The following MARCHF1 variants were observed in gnomAD, a reference collection of about 807,000 sequenced individuals.
The protein encoded by MARCHF1 is membrane associated ring-CH-type finger 1, also known as E3 ubiquitin-protein ligase MARCHF1.
A neutral mutation model predicts 54.2 loss-of-function variants in MARCHF1; 40 were observed. The ratio of observed to expected loss-of-function variants is 0.74; its 90% CI spans 0.57 to 0.96. The LOEUF is 0.96. Ranked by LOEUF, MARCHF1 falls within the 40% of genes least tolerant of loss-of-function variation. The pLI, the probability that MARCHF1 is intolerant of heterozygous loss-of-function variation, is 0.00. For missense variants in MARCHF1, 586 were observed against 656.5 expected, an observed-to-expected ratio of 0.89 and a Z score of 1.17; for synonymous variants, 236 against 236.3, an observed-to-expected ratio of 1.00 and a Z score of 0.01.
At chr4:163,893,517 A>T (rs1750709573) in intron 3 of MARCHF1, among the ~76,000 whole-genome samples, 1 of 152,174 alleles carries the variant, frequency 6.6e-6, no homozygotes, top group African/African-American at 2.4e-5. Context: ...CTCCACTCAT[A>T]AGATGTGCAG....
chr4:164,031,450 A>G (rs1177988217), intron 2 of MARCHF1, among the ~76,000 whole-genome samples: 2 of 151,358 alleles, frequency 1.3e-5, no homozygotes, highest in African/African-American at 2.4e-5. Context: ...ACCATTCAGT[A>G]TGATATTGGC....
intron 1 of MARCHF1, among the ~76,000 whole-genome samples, chr4:164,201,929 T>G (rs1272943870): frequency 3.3e-5 from 5 of 152,216 alleles, no homozygotes; most frequent in Non-Finnish European, 5.9e-5. Flanking sequence ...TAATTATTCT[T>G]TCCTTCAATG....
intron 5 of MARCHF1, among the ~76,000 whole-genome samples, chr4:163,615,863 T>C (rs988042097): frequency 2.0e-5 from 3 of 152,128 alleles, no homozygotes; most frequent in African/African-American, 7.2e-5. Context: ...AGCATGGCAT[T>C]GTTATAAAAA....
chr4:164,196,478 T>A (rs1731262387), intron 1 of MARCHF1, among the ~76,000 whole-genome samples: 1 of 152,188 alleles, frequency 6.6e-6, no homozygotes, highest in African/African-American at 2.4e-5. Flanking sequence ...TATTAATAAA[T>A]TTTAAAAATA....
intron 1 of MARCHF1, chr4:164,330,084 C>T (rs1735391323): frequency 6.6e-6 from 1 of 151,918 alleles, no homozygotes; most frequent in South Asian, 2.1e-4. Flanking sequence ...GCAAAATACT[C>T]TTTGTAAGAA....
chr4:163,686,059 CAT>C (rs528388204), intron 5 of MARCHF1, among the ~76,000 whole-genome samples: 1 of 152,094 alleles, frequency 6.6e-6, no homozygotes, highest in Non-Finnish European at 1.5e-5. Context: ...TTAGTAATAA[CAT>C]GTGTATAGTA....
intron 1 of MARCHF1, among the ~76,000 whole-genome samples, chr4:164,124,016 A>G (rs1173971613): frequency 1.3e-5 from 2 of 152,168 alleles, no homozygotes; most frequent in Non-Finnish European, 2.9e-5. Context: ...ACAAAGGATT[A>G]ATAACAGAAT....
chr4:164,228,592 T>G (rs1300828581), intron 1 of MARCHF1, among the ~76,000 whole-genome samples: 1 of 152,168 alleles, frequency 6.6e-6, no homozygotes, highest in Non-Finnish European at 1.5e-5. Context: ...AACTGGATAT[T>G]TGACTTTTTA....
intron 1 of MARCHF1, among the ~76,000 whole-genome samples, chr4:164,233,326 T>C (rs375662405): frequency 1.3e-5 from 2 of 152,188 alleles, no homozygotes; most frequent in East Asian, 1.9e-4. Flanking sequence ...TTCTGTCTTA[T>C]TAACCTGCCC....
chr4:164,175,032 T>C (rs1219864611), intron 1 of MARCHF1, among the ~76,000 whole-genome samples: 1 of 152,168 alleles, frequency 6.6e-6, no homozygotes, highest in Non-Finnish European at 1.5e-5. Flanking sequence ...GAGCAGAAAA[T>C]CCTTAATACA....
chr4:163,875,996 C>T (rs1007835887), intron 3 of MARCHF1, among the ~76,000 whole-genome samples: 4 of 151,792 alleles, frequency 2.6e-5, no homozygotes, highest in Non-Finnish European at 4.4e-5. Flanking sequence ...TATATTGAAG[C>T]GATAAAGGAA....
chr4:164,292,021 G>T (rs942660098), intron 1 of MARCHF1, among the ~76,000 whole-genome samples: 1 of 151,964 alleles, frequency 6.6e-6, no homozygotes, highest in African/African-American at 2.4e-5. Context: ...TTTACATGTT[G>T]TCAACCAATA....
chr4:163,971,187 T>C (rs9997581), intron 3 of MARCHF1, among the ~76,000 whole-genome samples: 6,177 of 152,202 alleles, frequency 0.041, 345 homozygotes, highest in East Asian at 0.14. Flanking sequence ...CAGATAGTGA[T>C]CCATATTAAT....
At chr4:163,856,340 T>C (rs1041768495) in intron 3 of MARCHF1, among the ~76,000 whole-genome samples, 2 of 152,202 alleles carry the variant, frequency 1.3e-5, no homozygotes, top group African/African-American at 4.8e-5. Flanking sequence ...ATGTTAATAA[T>C]AATCATTGAA....
intron 1 of MARCHF1, among the ~76,000 whole-genome samples, chr4:164,278,852 T>C (rs1468435633): frequency 6.6e-6 from 1 of 152,158 alleles, no homozygotes; most frequent in Non-Finnish European, 1.5e-5. Context: ...ATTATTGTAT[T>C]TTATTTTTTC....
At chr4:163,924,917 C>A (rs1751505900) in intron 3 of MARCHF1, among the ~76,000 whole-genome samples, 1 of 151,546 alleles carries the variant, frequency 6.6e-6, no homozygotes, top group Admixed American at 6.6e-5. Context: ...TTCCATGAAC[C>A]AATTTATCTT....
intron 1 of MARCHF1, among the ~76,000 whole-genome samples, chr4:164,225,091 A>C (rs1294480607): frequency 6.6e-6 from 1 of 152,004 alleles, no homozygotes; most frequent in Non-Finnish European, 1.5e-5. Flanking sequence ...CTATGGTGTA[A>C]GTCTCCCATG....
chr4:163,833,052 C>T (rs1194851616), intron 4 of MARCHF1, among the ~76,000 whole-genome samples: 1,811 of 151,378 alleles, frequency 0.012, 30 homozygotes, highest in African/African-American at 0.039. Context: ...AATAAACATA[C>T]GTGTGCATGT....
At chr4:164,233,500 C>G (rs1265005680) in intron 1 of MARCHF1, among the ~76,000 whole-genome samples, 1 of 152,144 alleles carries the variant, frequency 6.6e-6, no homozygotes, top group Admixed American at 6.6e-5. Flanking sequence ...CCCTCTTACA[C>G]CCCTCAGAGC....
Sources: allele counts gnomAD v4.1 joint callset (sites outside exome capture counted in the v4.1 genomes callset), GRCh38; gene constraint gnomAD v4.1.1; transcripts MANE v1.5; gene names NCBI Gene and HGNC (gene_info 2026-07-23, HGNC 2026-07-21).